The following OTC variants were observed in gnomAD, a reference collection of about 807,000 sequenced individuals.
OTC encodes ornithine transcarbamylase, also known as ornithine transcarbamylase, mitochondrial.
Under a neutral mutation model 30.3 loss-of-function variants are expected in OTC, and 3 were observed. The observed-to-expected ratio is 0.10, with a 90% CI of 0.05 to 0.26. OTC has a LOEUF of 0.26. Ranked by LOEUF, OTC falls within the 10% of genes least tolerant of loss-of-function variation. OTC has a pLI of 1.00. For missense variants in OTC, 194 were observed against 260.3 expected, an observed-to-expected ratio of 0.75 and a Z score of 1.75; for synonymous variants, 111 against 99.7, an observed-to-expected ratio of 1.11 and a Z score of -0.67.
the OTC span, among the ~76,000 whole-genome samples, chrX:38,329,768 T>G: frequency 5.4e-5 from 6 of 111,611 alleles, no homozygotes; most frequent in African/African-American, 2.0e-4. Flanking sequence ...CAGCCTCTGA[T>G]TGGTTGCAAG....
chrX:38,374,267 G>A (rs942286233), intron 3 of OTC, among the ~76,000 whole-genome samples: 3 of 111,331 alleles, frequency 2.7e-5, no homozygotes, highest in South Asian at 3.7e-4. Context: ...GGTAAAAGCA[G>A]GCTTCTCTGG....
upstream of OTC, among the ~76,000 whole-genome samples, chrX:38,350,008 C>A (rs1399810850): frequency 9.0e-6 from 1 of 111,236 alleles, no homozygotes; most frequent in Admixed American, 9.6e-5. Flanking sequence ...CTACAATATC[C>A]TTTGTAGCTC....
intron 4 of OTC, among the ~76,000 whole-genome samples, chrX:38,397,203 A>C (rs1260616570): frequency 8.9e-6 from 1 of 112,011 alleles, no homozygotes. Context: ...TTTTATTTAC[A>C]TTAACTTTTT....
intron 9 of OTC, among the ~76,000 whole-genome samples, chrX:38,416,097 C>A (rs967866205): frequency 1.8e-5 from 2 of 111,851 alleles, no homozygotes; most frequent in Non-Finnish European, 3.8e-5. Context: ...AGGAAAGCCA[C>A]AATGTCGCCC....
At chrX:38,355,126 G>A (rs2068233948) in intron 1 of OTC, among the ~76,000 whole-genome samples, 2 of 111,943 alleles carry the variant, frequency 1.8e-5, no homozygotes, top group African/African-American at 6.5e-5. Flanking sequence ...GTTTTGAAGT[G>A]AGCGGTCATA....
At chrX:38,422,656 T>C (rs2068601325), downstream of OTC, among the ~76,000 whole-genome samples, 1 of 112,436 alleles carries the variant, frequency 8.9e-6, no homozygotes, top group Non-Finnish European at 1.9e-5. Context: ...TAGCTTTCTT[T>C]ATTGTGTACA....
chrX:38,348,541 C>CATT (rs745866287), upstream of OTC, among the ~76,000 whole-genome samples: 10 of 88,770 alleles, frequency 1.1e-4, no homozygotes, highest in Non-Finnish European at 2.1e-4. Flanking sequence ...CTTTTTTTTT[C>CATT]TTTTTTTTTT....
upstream of OTC, among the ~76,000 whole-genome samples, chrX:38,351,033 T>C (rs1373313841): frequency 8.9e-6 from 1 of 111,994 alleles, no homozygotes; most frequent in African/African-American, 3.3e-5. Flanking sequence ...TGCTTTATTA[T>C]GTTTTTTAAA....
chrX:38,337,881 G>C, the OTC span, among the ~76,000 whole-genome samples: 2 of 110,910 alleles, frequency 1.8e-5, no homozygotes, highest in Non-Finnish European at 3.8e-5. Context: ...GAAGACAGGA[G>C]GATGATGAGA....
At chrX:38,368,072 A>T (rs1049232228) in intron 2 of OTC, among the ~76,000 whole-genome samples, 1 of 109,134 alleles carries the variant, frequency 9.2e-6, no homozygotes, top group Non-Finnish European at 1.9e-5. Context: ...TATCAAGTCA[A>T]AAATGAAGGC....
intron 1 of OTC, among the ~76,000 whole-genome samples, chrX:38,365,731 A>G (rs762437076): frequency 8.9e-6 from 1 of 112,538 alleles, no homozygotes; most frequent in South Asian, 3.6e-4. Flanking sequence ...AAAGTAGGAA[A>G]GACAGGCTAG....
chrX:38,394,371 T>C (rs1388944059), intron 4 of OTC, among the ~76,000 whole-genome samples: 4 of 111,962 alleles, frequency 3.6e-5, no homozygotes, highest in African/African-American at 1.3e-4. Flanking sequence ...GAAATTTAGG[T>C]ATAATTTTTT....
chrX:38,389,930 A>G (rs1405606675), intron 4 of OTC, among the ~76,000 whole-genome samples: 2 of 112,018 alleles, frequency 1.8e-5, no homozygotes, highest in Non-Finnish European at 3.8e-5. Context: ...TGTTGGTTGA[A>G]TCAAGTTATG....
chrX:38,415,239 C>T (rs6609748), intron 9 of OTC, among the ~76,000 whole-genome samples: 46,374 of 106,762 alleles, frequency 0.43, 7,928 homozygotes, highest in East Asian at 0.63. Flanking sequence ...CCACTGTGCC[C>T]GGCTAATTTT....
At chrX:38,404,253 A>G (rs1400784211) in intron 6 of OTC, among the ~76,000 whole-genome samples, 1 of 112,210 alleles carries the variant, frequency 8.9e-6, no homozygotes, top group Non-Finnish European at 1.9e-5. Flanking sequence ...TGAGCCCCAC[A>G]TGGCTATGAA....
At chrX:38,413,751 C>T (rs2068555665) in intron 9 of OTC, among the ~76,000 whole-genome samples, 1 of 106,108 alleles carries the variant, frequency 9.4e-6, no homozygotes, top group Non-Finnish European at 1.9e-5. Context: ...CTCACTGCAA[C>T]CTCTGCCTCC....
intron 8 of OTC, 48 bp downstream of exon 8, chrX:38,409,073 G>A: frequency 8.7e-7 from 1 of 1,143,988 alleles, no homozygotes; most frequent in Non-Finnish European, 1.2e-6. Context: ...ATTCATGAAG[G>A]CCAGAACCAT....
At chrX:38,398,732 C>T (rs1292467141) in intron 4 of OTC, among the ~76,000 whole-genome samples, 1 of 111,347 alleles carries the variant, frequency 9.0e-6, no homozygotes, top group Non-Finnish European at 1.9e-5. Context: ...ACTTAAGTTA[C>T]TTTTCCATGA....
chrX:38,344,489 C>A, the OTC span, among the ~76,000 whole-genome samples: 2 of 110,895 alleles, frequency 1.8e-5, no homozygotes, highest in Non-Finnish European at 3.8e-5. Context: ...TTAGATATGA[C>A]CTGGGACATA....
Sources: gnomAD v4.1 joint callset for allele counts (sites outside exome capture counted in the v4.1 genomes callset) on GRCh38, gnomAD v4.1.1 for gene constraint, MANE v1.5 for transcripts, NCBI Gene and HGNC (gene_info 2026-07-23, HGNC 2026-07-21) for gene names.